RBFOX1: variants seen among roughly 807,000 people sequenced by gnomAD.
RBFOX1 encodes RNA binding fox-1 homolog 1.
Under a neutral mutation model 57.7 loss-of-function variants are expected in RBFOX1, and 8 were observed. The observed-to-expected ratio is 0.14, with a 90% CI of 0.08 to 0.25. The LOEUF (loss-of-function observed/expected upper bound fraction) is 0.25. RBFOX1 is among the 10% of genes least tolerant of loss of function. The pLI is 1.00. For missense variants in RBFOX1, 611 were observed against 548.5 expected, an observed-to-expected ratio of 1.11 and a Z score of -1.14; for synonymous variants, 326 against 222.4, an observed-to-expected ratio of 1.47 and a Z score of -4.15.
chr16:5,313,728 C>T (rs1239707435), intron 1 of RBFOX1, among the ~76,000 whole-genome samples: 1 of 152,176 alleles, frequency 6.6e-6, no homozygotes, highest in South Asian at 2.1e-4. Flanking sequence ...GAGACTTATT[C>T]ACTATTGCGA....
chr16:7,019,541 T>G (rs1365813162), intron 3 of RBFOX1, among the ~76,000 whole-genome samples: 1 of 152,194 alleles, frequency 6.6e-6, no homozygotes, highest in Non-Finnish European at 1.5e-5. Flanking sequence ...CTCTTGTTTG[T>G]GCTGTGGATT....
intron 3 of RBFOX1, among the ~76,000 whole-genome samples, chr16:6,816,858 C>G (rs1439683019): frequency 6.6e-6 from 1 of 152,096 alleles, no homozygotes; most frequent in East Asian, 1.9e-4. Flanking sequence ...AGTCCTCCCA[C>G]TTCACCCTCC....
chr16:6,381,744 G>A (rs960828653), intron 2 of RBFOX1, among the ~76,000 whole-genome samples: 4 of 152,216 alleles, frequency 2.6e-5, no homozygotes, highest in African/African-American at 9.6e-5. Flanking sequence ...TATGCCTGGG[G>A]CTACCGCATC....
chr16:7,404,152 A>G (rs1218995732), intron 4 of RBFOX1, among the ~76,000 whole-genome samples: 1 of 151,666 alleles, frequency 6.6e-6, no homozygotes, highest in Non-Finnish European at 1.5e-5. Context: ...TCCCAGGTTC[A>G]AGCGATTCTC....
chr16:5,243,647 A>G (rs892932685), intron 1 of RBFOX1, among the ~76,000 whole-genome samples: 4 of 152,088 alleles, frequency 2.6e-5, no homozygotes, highest in African/African-American at 9.7e-5. Context: ...GTGGTACATG[A>G]GCAAAACCAC....
At chr16:6,860,448 G>A (rs1172765147) in intron 3 of RBFOX1, among the ~76,000 whole-genome samples, 1 of 152,168 alleles carries the variant, frequency 6.6e-6, no homozygotes, top group African/African-American at 2.4e-5. Flanking sequence ...GGCAGCGGGC[G>A]CTCTACCGTG....
chr16:5,512,554 G>C (rs773446486), intron 2 of RBFOX1, among the ~76,000 whole-genome samples: 1 of 152,120 alleles, frequency 6.6e-6, no homozygotes, highest in Non-Finnish European at 1.5e-5. Flanking sequence ...TCATTTATGA[G>C]CTCTGTGACC....
intron 1 of RBFOX1, among the ~76,000 whole-genome samples, chr16:6,239,171 A>G (rs538447709): frequency 5.3e-5 from 8 of 152,182 alleles, no homozygotes; most frequent in Non-Finnish European, 1.0e-4. Context: ...AATGATTGGA[A>G]TAAATAACGG....
At chr16:7,562,133 C>A (rs373436230) in intron 5 of RBFOX1, among the ~76,000 whole-genome samples, 10 of 152,306 alleles carry the variant, frequency 6.6e-5, no homozygotes, top group African/African-American at 2.4e-4. Flanking sequence ...ACCATTAACA[C>A]AGAAGACAGT....
At chr16:7,408,627 C>A (rs1209024891) in intron 4 of RBFOX1, among the ~76,000 whole-genome samples, 1 of 152,198 alleles carries the variant, frequency 6.6e-6, no homozygotes, top group Non-Finnish European at 1.5e-5. Flanking sequence ...TCTAGAGGAG[C>A]AATCAAGGCT....
chr16:6,046,705 C>G (rs1567327483), intron 1 of RBFOX1, among the ~76,000 whole-genome samples: 2 of 152,202 alleles, frequency 1.3e-5, no homozygotes, highest in South Asian at 4.1e-4. Flanking sequence ...AGATCTTAGA[C>G]TCAAGGTAAC....
At chr16:6,236,593 C>G (rs1475255055) in intron 1 of RBFOX1, among the ~76,000 whole-genome samples, 2 of 151,920 alleles carry the variant, frequency 1.3e-5, no homozygotes, top group East Asian at 3.9e-4. Context: ...TGTCACCATG[C>G]CTGGCTAATT....
At chr16:6,540,526 C>T (rs928453482) in intron 2 of RBFOX1, among the ~76,000 whole-genome samples, 3 of 141,400 alleles carry the variant, frequency 2.1e-5, no homozygotes, top group Non-Finnish European at 4.5e-5. Context: ...GCAGGAAAAT[C>T]GCTTGAACCT....
At chr16:6,771,013 G>C (rs943025998) in intron 3 of RBFOX1, among the ~76,000 whole-genome samples, 8 of 152,102 alleles carry the variant, frequency 5.3e-5, no homozygotes, top group African/African-American at 1.9e-4. Flanking sequence ...AGTCTGTTTG[G>C]AGACAGGATC....
At chr16:7,697,536 G>A (rs1022043572) in intron 14 of RBFOX1, among the ~76,000 whole-genome samples, 7 of 152,150 alleles carry the variant, frequency 4.6e-5, no homozygotes, top group Non-Finnish European at 7.3e-5. Flanking sequence ...TATGTATAAT[G>A]CATGCATATG....
At chr16:6,401,394 A>T (rs1253143222) in intron 2 of RBFOX1, among the ~76,000 whole-genome samples, 2 of 152,256 alleles carry the variant, frequency 1.3e-5, no homozygotes, top group Non-Finnish European at 2.9e-5. Context: ...CTACTAACTT[A>T]TAAGCATAAC....
intron 4 of RBFOX1, among the ~76,000 whole-genome samples, chr16:5,887,432 C>G (rs891331879): frequency 6.6e-6 from 1 of 152,214 alleles, no homozygotes; most frequent in African/African-American, 2.4e-5. Flanking sequence ...GATGTAGTCT[C>G]ACTCTGTTGC....
chr16:7,029,288 A>ATGTG (rs2042174546), intron 3 of RBFOX1, among the ~76,000 whole-genome samples: 1 of 141,180 alleles, frequency 7.1e-6, no homozygotes, highest in Non-Finnish European at 1.5e-5. Flanking sequence ...ATATATACAC[A>ATGTG]TATATATATA....
chr16:6,531,323 A>T (rs2096655100), intron 2 of RBFOX1, among the ~76,000 whole-genome samples: 1 of 152,160 alleles, frequency 6.6e-6, no homozygotes, highest in African/African-American at 2.4e-5. Flanking sequence ...ATTTGCAGGT[A>T]CTTCACTTAG....
Sources: allele counts gnomAD v4.1 joint callset (sites outside exome capture counted in the v4.1 genomes callset), GRCh38; gene constraint gnomAD v4.1.1; transcripts MANE v1.5; gene names NCBI Gene and HGNC (gene_info 2026-07-23, HGNC 2026-07-21).